The following FRMD4A variants were observed in gnomAD, a reference collection of about 807,000 sequenced individuals.
The protein encoded by FRMD4A is FERM domain-containing protein 4A.
Under a neutral mutation model 129.1 loss-of-function variants are expected in FRMD4A, and 29 were observed. The ratio of observed to expected loss-of-function variants is 0.22; its 90% CI spans 0.17 to 0.31. FRMD4A has a LOEUF of 0.31. Ranked by LOEUF, FRMD4A falls within the 10% of genes least tolerant of loss-of-function variation. The pLI is 1.00. For synonymous variants in FRMD4A, 634 were observed against 571.6 expected, an observed-to-expected ratio of 1.11 and a Z score of -1.56; for missense variants, 1,272 against 1,375.8, an observed-to-expected ratio of 0.92 and a Z score of 1.19.
Position 13,701,436 on chromosome 10 carries a change from T to G in FRMD4A, c.879A>C (p.Ala293=). 1 of 1,612,874 alleles carries G rather than the reference T, an allele frequency of 6.2e-7. No homozygotes were observed. The highest frequency in any genetic ancestry group is 2.2e-5 in the East Asian group (1 of 44,880). The part of the protein sequence containing the change: ...TRRTFGHSGI[A]VHTWYACPAL... ...CCGGACATGCATACCACGTGTGCAC[T>G]GCAATGCCGCTGTGCCCAAACGTCC... is the stretch of plus-strand genomic sequence containing the variant. Residue 293 remains alanine, a synonymous_variant, in exon 14 of 25, where the codon GCA becomes GCC. Coordinates refer to ENST00000357447, the MANE Select transcript of FRMD4A (RefSeq NM_018027.5).
At chr10:14,037,269 C>G (rs1833543898) in intron 2 of FRMD4A, among the ~76,000 whole-genome samples, 1 of 152,192 alleles carries the variant, frequency 6.6e-6, no homozygotes, top group Non-Finnish European at 1.5e-5. Flanking sequence ...GAAACAGTCT[C>G]GTTCTGTCAT....
At chr10:14,035,682 A>G (rs1440289641) in intron 2 of FRMD4A, among the ~76,000 whole-genome samples, 1 of 152,180 alleles carries the variant, frequency 6.6e-6, no homozygotes, top group Non-Finnish European at 1.5e-5. Context: ...GCACAAGAGG[A>G]TCCCAGCCTC....
At chr10:14,198,094 T>G (rs1279037877) in intron 2 of FRMD4A, among the ~76,000 whole-genome samples, 1 of 152,214 alleles carries the variant, frequency 6.6e-6, no homozygotes, top group African/African-American at 2.4e-5. Context: ...TGCCCAGACC[T>G]TCAAACTACT....
chr10:14,194,494 C>A (rs934289569), intron 2 of FRMD4A, among the ~76,000 whole-genome samples: 3 of 152,104 alleles, frequency 2.0e-5, no homozygotes, highest in Admixed American at 6.5e-5. Context: ...ACCTATAGTC[C>A]CAGCTACTCG....
intron 2 of FRMD4A, among the ~76,000 whole-genome samples, chr10:14,228,164 A>T (rs1843512011): frequency 6.6e-6 from 1 of 152,110 alleles, no homozygotes; most frequent in African/African-American, 2.4e-5. Flanking sequence ...GAGCCACCGC[A>T]CCCAGCATAG....
intron 2 of FRMD4A, among the ~76,000 whole-genome samples, chr10:13,904,809 G>A (rs911050686): frequency 4.0e-5 from 6 of 151,794 alleles, no homozygotes; most frequent in East Asian, 1.9e-4. Context: ...CCTGGCCAAC[G>A]TGGCGAAACC....
chr10:14,238,069 T>A (rs987431258), intron 2 of FRMD4A, among the ~76,000 whole-genome samples: 6 of 152,134 alleles, frequency 3.9e-5, no homozygotes, highest in Non-Finnish European at 2.9e-5. Flanking sequence ...CAGCCACTGC[T>A]CCCCGCTGGA....
In FRMD4A at chr10:14,132,817, C is replaced by T. The variant is rs536266324; in HGVS notation, c.45+197241G>A. 5.9e-5 allele frequency among the ~76,000 whole-genome samples: 9 copies of T among 152,284 alleles called. No individual in the cohort carries two copies. In the East Asian group the frequency reaches 1.4e-3, roughly 23 times the overall value. On this transcript the variant is annotated intron_variant, in intron 2 of 24. Transcript: ENST00000357447. ...AGCTCTGCCCTCTGGGAGTCACACA[C>T]GATGAATGGAGAGAAACTATTTTAT...
At chr10:13,997,628 T>A (rs995445104) in intron 2 of FRMD4A, among the ~76,000 whole-genome samples, 1 of 150,458 alleles carries the variant, frequency 6.6e-6, no homozygotes, top group African/African-American at 2.5e-5. Context: ...TCTTTTCTTT[T>A]TTTTTTTTTT....
chr10:14,030,835 T>C (rs1833203786), intron 2 of FRMD4A, among the ~76,000 whole-genome samples: 1 of 152,158 alleles, frequency 6.6e-6, no homozygotes, highest in Non-Finnish European at 1.5e-5. Flanking sequence ...CAGGATGCAT[T>C]TTCCATTTTG....
intron 2 of FRMD4A, among the ~76,000 whole-genome samples, chr10:14,091,676 G>A (rs533408742): frequency 2.0e-5 from 3 of 152,246 alleles, no homozygotes; most frequent in South Asian, 2.1e-4. Flanking sequence ...CTCATGATCC[G>A]CCCACCTTGG....
intron 5 of FRMD4A, among the ~76,000 whole-genome samples, chr10:13,789,841 C>T (rs2092955607): frequency 7.0e-6 from 1 of 142,920 alleles, no homozygotes; most frequent in Admixed American, 7.1e-5. Flanking sequence ...TGAGGCTGGA[C>T]AGTTAAGCAG....
intron 2 of FRMD4A, among the ~76,000 whole-genome samples, chr10:14,125,879 C>T (rs1838811998): frequency 1.3e-5 from 2 of 152,120 alleles, no homozygotes. Context: ...CAAAACAAAA[C>T]AGAACAAAAC....
chr10:13,846,923 G>A (rs1308752081), intron 3 of FRMD4A, among the ~76,000 whole-genome samples: 1 of 152,196 alleles, frequency 6.6e-6, no homozygotes, highest in African/African-American at 2.4e-5. Context: ...AGCTGCTCTG[G>A]TGACAATGGG....
intron 2 of FRMD4A, among the ~76,000 whole-genome samples, chr10:14,311,880 T>C (rs1284704643): frequency 6.6e-6 from 1 of 151,932 alleles, no homozygotes; most frequent in Non-Finnish European, 1.5e-5. Flanking sequence ...TTTTAGAGAG[T>C]ATCTTGATTT....
intron 21 of FRMD4A, among the ~76,000 whole-genome samples, chr10:13,657,803 T>TTTTTTA (rs1554826507): frequency 4.0e-5 from 6 of 150,692 alleles, no homozygotes; most frequent in African/African-American, 1.5e-4. Flanking sequence ...TTTTTTTTTT[T>TTTTTTA]AAATAATTCT....
chr10:13,692,472 A>AGGTAT, intron 15 of FRMD4A: 1 of 152,332 alleles, frequency 6.6e-6, no homozygotes, highest in African/African-American at 2.4e-5. Flanking sequence ...GAAGAAAAAT[A>AGGTAT]CAAAACATAT....
At chr10:14,328,609 A>G (rs1413743492) in intron 2 of FRMD4A, among the ~76,000 whole-genome samples, 1 of 145,270 alleles carries the variant, frequency 6.9e-6, no homozygotes, top group Non-Finnish European at 1.5e-5. Flanking sequence ...GTACTAGATA[A>G]TATAATATAC....
At chr10:14,225,932 A>G (rs888396949) in intron 2 of FRMD4A, among the ~76,000 whole-genome samples, 2 of 152,172 alleles carry the variant, frequency 1.3e-5, no homozygotes, top group South Asian at 2.1e-4. Flanking sequence ...TTCTTGGCCA[A>G]AGCTGACCTC....
Sources: allele counts gnomAD v4.1 joint callset (sites outside exome capture counted in the v4.1 genomes callset), GRCh38; gene constraint gnomAD v4.1.1; transcripts MANE v1.5; gene names NCBI Gene and HGNC (gene_info 2026-07-23, HGNC 2026-07-21).